The following RAD51B variants were observed in gnomAD, a reference collection of about 807,000 sequenced individuals.
The protein encoded by RAD51B is RAD51 paralog B.
A neutral mutation model predicts 42.2 loss-of-function variants in RAD51B; 38 were observed. That is an observed-to-expected ratio of 0.90 (90% CI 0.70 to 1.18). The LOEUF is 1.18. Ranked by LOEUF, RAD51B falls within the 50% of genes most tolerant of loss-of-function variation. The pLI, the probability that RAD51B is intolerant of heterozygous loss-of-function variation, is 0.00. For missense variants in RAD51B, 373 were observed against 400.7 expected (o/e 0.93, Z 0.59); for synonymous variants, 154 against 145.2 (o/e 1.06, Z -0.43).
intron 11 of RAD51B, among the ~76,000 whole-genome samples, chr14:68,670,083 C>G (rs1478075318): frequency 6.6e-6 from 1 of 152,160 alleles, no homozygotes; most frequent in African/African-American, 2.4e-5. Context: ...GACACGCTGC[C>G]GAGAGAACCG....
intron 10 of RAD51B, among the ~76,000 whole-genome samples, chr14:68,515,129 TATTA>T (rs2140319439): frequency 6.6e-6 from 1 of 152,358 alleles, no homozygotes; most frequent in South Asian, 2.1e-4. Flanking sequence ...TATTTTCAAA[TATTA>T]ATTTTATGTC....
chr14:68,550,041 C>T (rs949373896), intron 10 of RAD51B, among the ~76,000 whole-genome samples: 1 of 152,308 alleles, frequency 6.6e-6, no homozygotes, highest in Non-Finnish European at 1.5e-5. Context: ...TAGCAGGACT[C>T]CTCTGAGGGA....
At chr14:68,603,269 G>A (rs1031910530) in intron 10 of RAD51B, among the ~76,000 whole-genome samples, 2 of 152,054 alleles carry the variant, frequency 1.3e-5, no homozygotes, top group Non-Finnish European at 2.9e-5. Context: ...GGTTTTTAGG[G>A]CGTCACTTAT....
chr14:68,102,927 C>T (rs1243155722), intron 7 of RAD51B, among the ~76,000 whole-genome samples: 1 of 152,116 alleles, frequency 6.6e-6, no homozygotes, highest in African/African-American at 2.4e-5. Context: ...GAAATCATGA[C>T]AGAAGGGGAA....
At chr14:68,583,394 C>T (rs1890302690) in intron 10 of RAD51B, among the ~76,000 whole-genome samples, 1 of 152,144 alleles carries the variant, frequency 6.6e-6, no homozygotes, top group South Asian at 2.1e-4. Flanking sequence ...TTTTGGGGGT[C>T]CAGGTAAGGG....
At chr14:68,482,395 AG>A (rs557911796), downstream of RAD51B, among the ~76,000 whole-genome samples, 110 of 152,308 alleles carry the variant, frequency 7.2e-4, 1 homozygote, top group Non-Finnish European at 1.1e-3. Flanking sequence ...TTGTGAACAA[AG>A]CAAAATGACT....
intron 11 of RAD51B, among the ~76,000 whole-genome samples, chr14:68,678,131 A>G (rs911272827): frequency 6.6e-6 from 1 of 152,218 alleles, no homozygotes; most frequent in African/African-American, 2.4e-5. Context: ...CCAAGGTTAC[A>G]TAGCTAATAA....
intron 10 of RAD51B, among the ~76,000 whole-genome samples, chr14:68,591,465 T>C (rs1595006421): frequency 6.6e-6 from 1 of 152,166 alleles, no homozygotes; most frequent in East Asian, 1.9e-4. Flanking sequence ...ACACCCCCAA[T>C]GTGGATGCTA....
chr14:68,461,336 G>GAAA (rs60250666), intron 9 of RAD51B, among the ~76,000 whole-genome samples: 51 of 126,514 alleles, frequency 4.0e-4, no homozygotes, highest in African/African-American at 1.2e-3. Flanking sequence ...TCCATGCAGG[G>GAAA]AAAAAAAAAA....
intron 7 of RAD51B, among the ~76,000 whole-genome samples, chr14:67,970,628 CTT>C (rs764447693): frequency 6.6e-6 from 1 of 151,986 alleles, no homozygotes; most frequent in Non-Finnish European, 1.5e-5. Flanking sequence ...AATTCTAACA[CTT>C]TTTGTGATGT....
intron 7 of RAD51B, among the ~76,000 whole-genome samples, chr14:67,998,504 A>C (rs1472207244): frequency 6.6e-6 from 1 of 152,220 alleles, no homozygotes; most frequent in Admixed American, 6.5e-5. Context: ...TCACTACCAA[A>C]AACAGAATGG....
At chr14:68,000,475 A>G (rs1204240511) in intron 7 of RAD51B, among the ~76,000 whole-genome samples, 1 of 152,210 alleles carries the variant, frequency 6.6e-6, no homozygotes, top group Non-Finnish European at 1.5e-5. Flanking sequence ...TAACTAATAT[A>G]CTTTCTACAT....
chr14:68,157,953 T>A (rs2078549920), intron 7 of RAD51B, among the ~76,000 whole-genome samples: 1 of 152,202 alleles, frequency 6.6e-6, no homozygotes, highest in Non-Finnish European at 1.5e-5. Context: ...TGATCTCTGC[T>A]GTGATAATCC....
intron 11 of RAD51B, among the ~76,000 whole-genome samples, chr14:68,664,562 C>G (rs1308347297): frequency 6.6e-6 from 1 of 152,200 alleles, no homozygotes; most frequent in Non-Finnish European, 1.5e-5. Flanking sequence ...GCTGGAATTT[C>G]TGCCAAGATG....
At chr14:67,910,528 A>C (rs184795240) in intron 7 of RAD51B, among the ~76,000 whole-genome samples, 1 of 150,328 alleles carries the variant, frequency 6.7e-6, no homozygotes, top group Admixed American at 6.7e-5. Context: ...AATTACTGCT[A>C]TTCCACTTTG....
At chr14:68,165,654 T>G (rs2078733622) in intron 7 of RAD51B, among the ~76,000 whole-genome samples, 7 of 152,190 alleles carry the variant, frequency 4.6e-5, no homozygotes, top group Admixed American at 4.6e-4. Flanking sequence ...TAACTTCTAG[T>G]CAGTCCAAGA....
In RAD51B at chr14:68,549,542, T is replaced by A. The variant is rs868693340; in HGVS notation, c.1037-44943T>A. ...GCCATTCTCCTGCCTCAGCCTCCCG[T>A]GTAGCTGGGACTACAGGCGCGCGCC... On this transcript the variant is annotated intron_variant, in intron 10 of 10. Transcript: ENST00000487270. Among the ~76,000 whole-genome samples the A allele has an allele frequency of 1.1e-4, 17 of 148,012 alleles. No individual in the cohort carries two copies. The Middle Eastern group carries it at 0.021, about 179-fold the overall frequency.
At chr14:68,256,889 T>C (rs2080765236) in intron 7 of RAD51B, among the ~76,000 whole-genome samples, 1 of 152,140 alleles carries the variant, frequency 6.6e-6, no homozygotes, top group Non-Finnish European at 1.5e-5. Context: ...ATAAGGGATA[T>C]TAAAGTTAAA....
At chr14:68,639,570 G>A (rs186869162) in intron 10 of RAD51B, among the ~76,000 whole-genome samples, 118 of 152,290 alleles carry the variant, frequency 7.7e-4, no homozygotes, top group Non-Finnish European at 1.4e-3. Context: ...TGAAAAGGGA[G>A]GAAGCAGGCA....
Sources: allele counts gnomAD v4.1 joint callset (sites outside exome capture counted in the v4.1 genomes callset), GRCh38; gene constraint gnomAD v4.1.1; transcripts MANE v1.5; gene names NCBI Gene and HGNC (gene_info 2026-07-23, HGNC 2026-07-21).